Variants in RIN3 observed in about 807,000 individuals in gnomAD.
RIN3 encodes the protein Ras and Rab interactor 3, also known as RAB5 interacting protein 3.
In RIN3, 54 loss-of-function variants were observed where a neutral mutation model predicts 76.3. The observed-to-expected ratio is 0.71, with a 90% confidence interval of 0.57 to 0.89. RIN3 has a LOEUF of 0.89. RIN3 is among the 40% of genes least tolerant of loss of function. The pLI is 0.00. For missense variants in RIN3, 1,256 were observed against 1,322.1 expected, an observed-to-expected ratio of 0.95 and a Z score of 0.78; for synonymous variants, 576 against 564.0, an observed-to-expected ratio of 1.02 and a Z score of -0.30.
chr14:92,529,614 G>A (rs1304220516), intron 1 of RIN3, among the ~76,000 whole-genome samples: 1 of 152,150 alleles, frequency 6.6e-6, no homozygotes, highest in African/African-American at 2.4e-5. Flanking sequence ...GTTGTCCGGC[G>A]GGCACATTCC....
intron 4 of RIN3, among the ~76,000 whole-genome samples, chr14:92,634,652 T>C (rs1427252102): frequency 2.6e-5 from 4 of 151,394 alleles, no homozygotes; most frequent in Middle Eastern, 3.4e-3. Context: ...AGGTCAGGAG[T>C]TCAAGACCAG....
intron 3 of RIN3, among the ~76,000 whole-genome samples, chr14:92,604,834 C>T (rs1885466959): frequency 1.3e-5 from 2 of 151,528 alleles, no homozygotes; most frequent in Admixed American, 6.6e-5. Context: ...AGGTAGGTCC[C>T]AGGGCCCATA....
At chr14:92,600,694 G>C (rs773325897) in intron 3 of RIN3, among the ~76,000 whole-genome samples, 8 of 152,154 alleles carry the variant, frequency 5.3e-5, no homozygotes, top group Non-Finnish European at 1.2e-4. Flanking sequence ...GGCACTCCTG[G>C]GCTCCTGCCG....
At chr14:92,627,656 G>A (rs538132193) in intron 4 of RIN3, among the ~76,000 whole-genome samples, 31 of 152,278 alleles carry the variant, frequency 2.0e-4, no homozygotes, top group Admixed American at 3.9e-4. Context: ...TCCTTCCAAC[G>A]TTGCCGAGAG....
intron 1 of RIN3, among the ~76,000 whole-genome samples, chr14:92,530,029 G>A (rs1896843201): frequency 6.6e-6 from 1 of 152,220 alleles, no homozygotes; most frequent in South Asian, 2.1e-4. Flanking sequence ...TCCCCTAGGA[G>A]CAATGATTCA....
chr14:92,558,616 C>G (rs1487895893), intron 2 of RIN3, among the ~76,000 whole-genome samples: 2 of 152,146 alleles, frequency 1.3e-5, no homozygotes, highest in African/African-American at 4.8e-5. Context: ...CCAGGAAGCA[C>G]CAGTAGGGGA....
intron 5 of RIN3, 57 bp from the exon 6 acceptor site, chr14:92,651,525 C>T (rs1887419239): frequency 3.2e-6 from 4 of 1,244,392 alleles, no homozygotes; most frequent in Admixed American, 2.2e-5. Context: ...CCGCCCAGCA[C>T]AGCAACACCT....
rs530536414 is a variant in RIN3 at position 92,677,491 on chromosome 14, T to A, written c.2467+885T>A. Among the ~76,000 whole-genome samples the A allele has an allele frequency of 3.3e-5, 5 of 152,342 alleles. No homozygotes were observed. The South Asian group carries it at 1.0e-3, about 32-fold the overall frequency. ...CGCATTTTTTTTGCATGTTCCAGTCTCTGGGGTGATAGTTTGATGAGATAG... is the reference window on the plus strand; with the variant it reads ...CGCATTTTTTTTGCATGTTCCAGTCACTGGGGTGATAGTTTGATGAGATAG... On this transcript the variant is annotated intron_variant, in intron 8 of 9. Transcript: ENST00000216487.
At chr14:92,633,878 TG>T (rs1886678501) in intron 4 of RIN3, among the ~76,000 whole-genome samples, 1 of 151,680 alleles carries the variant, frequency 6.6e-6, no homozygotes, top group African/African-American at 2.4e-5. Flanking sequence ...TGTGTGTGTG[TG>T]TTTGTATGTG....
At position 92,601,968 on chromosome 14, in the gene RIN3, G is replaced by A. The variant is rs192572300; in HGVS notation, c.368-13439G>A. Reference sequence around the variant, plus strand: ...CAGACTTTTAGAAAGCCTCATCTACGCACTTGCTCAATACGAAGAGCAGCT... The same window carrying A: ...CAGACTTTTAGAAAGCCTCATCTACACACTTGCTCAATACGAAGAGCAGCT... On this transcript the variant is annotated intron_variant, in intron 3 of 9. Coordinates refer to ENST00000216487, the MANE Select transcript of RIN3 (RefSeq NM_024832.5). Among the ~76,000 whole-genome samples the A allele has an allele frequency of 3.7e-4, 56 of 152,320 alleles. No individual in the cohort carries two copies. In the East Asian group the frequency reaches 8.5e-3, roughly 23 times the overall value.
At chr14:92,670,087 C>T (rs953977319) in intron 7 of RIN3, among the ~76,000 whole-genome samples, 3 of 150,410 alleles carry the variant, frequency 2.0e-5, no homozygotes, top group Non-Finnish European at 3.0e-5. Context: ...TAAGTAGAGA[C>T]AAAGTCTCAC....
At chr14:92,523,799 G>T (rs1285303340) in intron 1 of RIN3, among the ~76,000 whole-genome samples, 1 of 152,216 alleles carries the variant, frequency 6.6e-6, no homozygotes, top group Non-Finnish European at 1.5e-5. Flanking sequence ...CCCAGCCTCA[G>T]TTCTGTGCTT....
intron 2 of RIN3, among the ~76,000 whole-genome samples, chr14:92,557,523 G>T (rs535144156): frequency 6.6e-6 from 1 of 152,196 alleles, no homozygotes; most frequent in Non-Finnish European, 1.5e-5. Context: ...GAATGGACTC[G>T]TTCACCTCGG....
Position 92,514,043 on chromosome 14 carries a change from C to T in RIN3, c.44+67C>T, listed in dbSNP as rs1394312223. On this transcript the variant is annotated intron_variant, in intron 1 of 9. Coordinates refer to ENST00000216487, the MANE Select transcript of RIN3 (RefSeq NM_024832.5). This position sits in a 1 kb window ranked among gnomAD's most constrained non-coding sequence, Gnocchi z 7.2. ...CGGCCCGCGTCCTGGCCGCCCCACT[C>T]CACTTCTTGTCCCAGAGAGTCCTTC... is the stretch of plus-strand genomic sequence containing the variant. The T allele has an allele frequency of 2.8e-6, 3 of 1,073,774 alleles. No individual in the cohort carries two copies. The African/African-American group carries it at 4.9e-5, about 17-fold the overall frequency. 66.5% of individuals were successfully genotyped at this position (1,073,774 alleles called of 1,614,324 possible). A position where few individuals can be genotyped will look rare whatever the true frequency, so the allele number is the denominator to read the frequency against.
At chr14:92,602,909 T>G (rs1885395199) in intron 3 of RIN3, among the ~76,000 whole-genome samples, 1 of 152,170 alleles carries the variant, frequency 6.6e-6, no homozygotes, top group Non-Finnish European at 1.5e-5. Context: ...ACCCTTCCAT[T>G]CTGGCTTTCA....
chr14:92,545,086 T>A (rs1897227217), intron 1 of RIN3, among the ~76,000 whole-genome samples: 1 of 150,786 alleles, frequency 6.6e-6, no homozygotes, highest in East Asian at 1.9e-4. Flanking sequence ...TTTTAAAACG[T>A]TTTCTTTTAA....
At chr14:92,541,998 A>G (rs1897141486) in intron 1 of RIN3, among the ~76,000 whole-genome samples, 1 of 152,226 alleles carries the variant, frequency 6.6e-6, no homozygotes, top group Non-Finnish European at 1.5e-5. Context: ...AGATATACAA[A>G]TGGCCAATAA....
intron 5 of RIN3, among the ~76,000 whole-genome samples, chr14:92,642,789 G>A (rs1887064022): frequency 6.6e-6 from 1 of 152,134 alleles, no homozygotes; most frequent in Admixed American, 6.5e-5. Flanking sequence ...CCATGGTCAG[G>A]GGCCAGGAAG....
intron 3 of RIN3, among the ~76,000 whole-genome samples, chr14:92,585,197 G>GCCC (rs1424211989): frequency 6.6e-6 from 1 of 152,032 alleles, no homozygotes; most frequent in Non-Finnish European, 1.5e-5. Context: ...ATTTTTTGTA[G>GCCC]AGATGGGGTC....
Sources: gnomAD v4.1 joint callset for allele counts (sites outside exome capture counted in the v4.1 genomes callset) on GRCh38, gnomAD v4.1.1 for gene constraint, Gnocchi (gnomAD v3.1) non-coding constraint, MANE v1.5 for transcripts, NCBI Gene and HGNC (gene_info 2026-07-23, HGNC 2026-07-21) for gene names.